The following ADGRL3 variants were observed in gnomAD, a reference collection of about 807,000 sequenced individuals.
ADGRL3 encodes the protein adhesion G protein-coupled receptor L3, also known as calcium-independent alpha-latrotoxin receptor 3.
Under a neutral mutation model 153.5 loss-of-function variants are expected in ADGRL3, and 62 were observed. The observed-to-expected ratio is 0.40, with a 90% confidence interval of 0.33 to 0.50. The LOEUF (loss-of-function observed/expected upper bound fraction) is 0.50, where lower values mean the gene tolerates loss of function less well. Among genes scored for constraint, ADGRL3 ranks in the 20% least tolerant of loss-of-function variants. ADGRL3 has a pLI of 0.47. For synonymous variants in ADGRL3, 710 were observed against 672.5 expected (o/e 1.06, Z -0.86); for missense variants, 1,641 against 1,859.4 (o/e 0.88, Z 2.16).
chr4:61,418,800 T>G (rs549021152), intron 2 of ADGRL3, among the ~76,000 whole-genome samples: 1 of 150,658 alleles, frequency 6.6e-6, no homozygotes, highest in East Asian at 2.1e-4. Context: ...TGTTAAATGT[T>G]CATGCTTCCA....
At chr4:61,276,374 C>A (rs887482194) in intron 1 of ADGRL3, among the ~76,000 whole-genome samples, 7 of 152,096 alleles carry the variant, frequency 4.6e-5, no homozygotes, top group Non-Finnish European at 7.4e-5. Flanking sequence ...GATAATATAT[C>A]TTTTCATTTG....
intron 5 of ADGRL3, among the ~76,000 whole-genome samples, chr4:61,642,095 G>A (rs2093704681): frequency 6.7e-6 from 1 of 148,740 alleles, no homozygotes; most frequent in South Asian, 2.2e-4. Flanking sequence ...CTTTTGAGAA[G>A]TGTCTGTTCA....
At chr4:61,642,942 T>C in intron 5 of ADGRL3, among the ~76,000 whole-genome samples, 1 of 152,358 alleles carries the variant, frequency 6.6e-6, no homozygotes. Context: ...CTTCCATTTG[T>C]TTGTATCCTC....
intron 1 of ADGRL3, among the ~76,000 whole-genome samples, chr4:61,339,746 T>C (rs1393067756): frequency 6.6e-6 from 1 of 152,230 alleles, no homozygotes; most frequent in Non-Finnish European, 1.5e-5. Context: ...TTGCCCTTTG[T>C]ACATTAATAT....
intron 1 of ADGRL3, among the ~76,000 whole-genome samples, chr4:61,367,984 G>A (rs1194074056): frequency 1.3e-5 from 2 of 151,366 alleles, no homozygotes; most frequent in African/African-American, 4.9e-5. Flanking sequence ...TTCTCTGATG[G>A]CCAGTGATGG....
chr4:61,200,523 C>T lies in ADGRL3; in HGVS notation c.-1482C>T, dbSNP rs922503303. Among the ~76,000 whole-genome samples the T allele has an allele frequency of 4.6e-5, 7 of 151,368 alleles. No individual in the cohort carries two copies. The highest frequency in any genetic ancestry group is 2.1e-4 in the South Asian group (1 of 4,780). On this transcript the variant is annotated 5_prime_UTR_variant, in exon 1 of 27. Coordinates refer to ENST00000683033, the MANE Select transcript of ADGRL3 (RefSeq NM_001387552.1). ...TGGGCGCCGCCGCCGCCGCCGCCGCCGCTGCTGCTGGTTTTTCTCGGACTG... is the reference window on the plus strand; with the variant it reads ...TGGGCGCCGCCGCCGCCGCCGCCGCTGCTGCTGCTGGTTTTTCTCGGACTG...
chr4:61,295,901 A>C (rs988770691), intron 1 of ADGRL3, among the ~76,000 whole-genome samples: 2 of 152,110 alleles, frequency 1.3e-5, no homozygotes, highest in Non-Finnish European at 2.9e-5. Context: ...TGCGTCCAAG[A>C]GTGTGAGACT....
intron 1 of ADGRL3, among the ~76,000 whole-genome samples, chr4:61,347,383 G>A (rs1353180951): frequency 6.6e-6 from 1 of 151,492 alleles, no homozygotes; most frequent in Non-Finnish European, 1.5e-5. Context: ...GGTATCATTC[G>A]ATGCATTATG....
chr4:61,351,744 G>GAAAAGA (rs2096055850), intron 1 of ADGRL3, among the ~76,000 whole-genome samples: 1 of 141,266 alleles, frequency 7.1e-6, no homozygotes, highest in Non-Finnish European at 1.5e-5. Flanking sequence ...CTACTGCTCA[G>GAAAAGA]AAAAAAAAAA....
intron 1 of ADGRL3, among the ~76,000 whole-genome samples, chr4:61,251,681 G>A (rs1759317995): frequency 6.6e-6 from 1 of 151,896 alleles, no homozygotes; most frequent in Non-Finnish European, 1.5e-5. Context: ...CTATGGGCAA[G>A]CAGTTTCAGG....
rs1210562475 is a variant in ADGRL3, at chr4:62,075,938, A to G, written c.*5030A>G. 1 of 152,128 alleles carries G rather than the reference A, an allele frequency of 6.6e-6. No individual in the cohort carries two copies. The highest frequency in any genetic ancestry group is 1.5e-5 in the Non-Finnish European group (1 of 68,002). 9.4% of individuals were successfully genotyped at this position (152,128 alleles called of 1,614,324 possible). A position where few individuals can be genotyped will look rare whatever the true frequency, so the allele number is the denominator to read the frequency against. On this transcript the variant is annotated 3_prime_UTR_variant, in exon 27 of 27. Coordinates refer to ENST00000683033, the MANE Select transcript of ADGRL3 (RefSeq NM_001387552.1). ...TAGTTGCTTCTTTCCTGATTAGGCC[A>G]TAAGAAGAAACTTTCCTATTTACTA...
intron 5 of ADGRL3, among the ~76,000 whole-genome samples, chr4:61,657,395 T>A (rs1202664126): frequency 6.6e-6 from 1 of 152,040 alleles, no homozygotes. Flanking sequence ...TGTCTATATA[T>A]ATATATGCCT....
chr4:61,218,316 C>CTT (rs58537809), intron 1 of ADGRL3, among the ~76,000 whole-genome samples: 8 of 148,110 alleles, frequency 5.4e-5, no homozygotes, highest in African/African-American at 2.0e-4. Flanking sequence ...TTAAGTGCTT[C>CTT]TTTTTTTTTT....
chr4:61,754,904 A>T (rs1411108852), intron 8 of ADGRL3, among the ~76,000 whole-genome samples: 3 of 152,164 alleles, frequency 2.0e-5, no homozygotes, highest in Non-Finnish European at 4.4e-5. Flanking sequence ...TTTGCTGAGA[A>T]TGATGGTTAC....
In ADGRL3 at chr4:61,497,140, G is replaced by T; in HGVS notation, c.-154G>T. The stretch of plus-strand genomic sequence containing the variant: ...TTGCAGGTTTCAGATTTGGGATATT[G>T]GTGTTTCTGTTTTGGAGAAATTATT... On this transcript the variant is annotated 5_prime_UTR_variant, in exon 3 of 27. Transcript: ENST00000683033. The T allele has an allele frequency of 1.8e-6, 1 of 564,770 alleles. No individual in the cohort carries two copies. Among genetic ancestry groups the T allele is most frequent in the South Asian group, 2.3e-5 (1 of 43,762 alleles). 35.0% of individuals were successfully genotyped at this position (564,770 alleles called of 1,614,324 possible). A position where few individuals can be genotyped will look rare whatever the true frequency, so the allele number is the denominator to read the frequency against.
chr4:61,839,073 G>C (rs992490609), intron 9 of ADGRL3, among the ~76,000 whole-genome samples: 1 of 152,144 alleles, frequency 6.6e-6, no homozygotes, highest in African/African-American at 2.4e-5. Context: ...AAGAAAGGGA[G>C]CGTGTACTGG....
At chr4:61,341,069 C>A (rs1578341882) in intron 1 of ADGRL3, among the ~76,000 whole-genome samples, 1 of 151,788 alleles carries the variant, frequency 6.6e-6, no homozygotes, top group East Asian at 1.9e-4. Context: ...ATGACATTTC[C>A]ATGTGTTAGC....
chr4:61,782,025 A>G (rs539847297), intron 8 of ADGRL3, among the ~76,000 whole-genome samples: 190 of 152,174 alleles, frequency 1.2e-3, no homozygotes, highest in Admixed American at 2.7e-3. Context: ...GTGAATGTGT[A>G]ATGGAATTGA....
At chr4:61,554,982 A>T (rs924388274) in intron 4 of ADGRL3, among the ~76,000 whole-genome samples, 6 of 152,228 alleles carry the variant, frequency 3.9e-5, no homozygotes, top group South Asian at 2.1e-4. Context: ...GAAATGTATG[A>T]TAAACAAGGA....
Sources: allele counts gnomAD v4.1 joint callset (sites outside exome capture counted in the v4.1 genomes callset), GRCh38; gene constraint gnomAD v4.1.1; transcripts MANE v1.5; gene names NCBI Gene and HGNC (gene_info 2026-07-23, HGNC 2026-07-21).